ZNF45: variants seen among roughly 807,000 people sequenced by gnomAD.
The protein encoded by ZNF45 is BRC1744.
A neutral mutation model predicts 12.0 loss-of-function variants in ZNF45; 4 were observed. The observed-to-expected ratio is 0.33, with a 90% confidence interval of 0.16 to 0.76. The LOEUF (loss-of-function observed/expected upper bound fraction) is 0.76, where lower values mean the gene tolerates loss of function less well. Among genes scored for constraint, ZNF45 ranks in the 30% least tolerant of loss-of-function variants. The pLI is 0.60. For synonymous variants in ZNF45, 272 were observed against 279.6 expected, an observed-to-expected ratio of 0.97 and a Z score of 0.27; for missense variants, 700 against 813.0, an observed-to-expected ratio of 0.86 and a Z score of 1.69.
chr19:43,933,992 C>A (rs893011846), intron 2 of ZNF45, among the ~76,000 whole-genome samples: 7 of 152,154 alleles, frequency 4.6e-5, no homozygotes, highest in Admixed American at 6.5e-5. Flanking sequence ...CAAATGGCTC[C>A]TCTGCAGCCA....
At chr19:43,917,212 CTT>C (rs1283047135) in intron 9 of ZNF45, among the ~76,000 whole-genome samples, 1 of 152,074 alleles carries the variant, frequency 6.6e-6, no homozygotes, top group Non-Finnish European at 1.5e-5. Context: ...CGCATAAATT[CTT>C]GTTTAAGGCC....
chr19:43,926,404 G>A (rs1337557715), intron 3 of ZNF45: 1 of 152,206 alleles, frequency 6.6e-6, no homozygotes, highest in East Asian at 1.9e-4. Flanking sequence ...CAAAGTCAGC[G>A]ACGACATGAG....
rs1410649014 is a variant in ZNF45 at position 43,913,550 on chromosome 19, G to A, written c.1886C>T (p.Ala629Val). ...KVFSWSSYLQ[A>V]HQRVHTGEKP... is the part of the protein sequence containing the mutation. ...TTCTCCGGTGTGAACTCTTTGATGG[G>A]CTTGAAGGTATGAGCTCCAGCTGAA... The change falls in exon 10 of 10, where the codon GCC (alanine) becomes GTC (valine). Residue 629 changes from alanine to valine, a missense_variant. Transcript: ENST00000269973. 2 of 1,612,966 alleles carry A rather than the reference G, an allele frequency of 1.2e-6. No homozygotes were observed. The highest frequency in any genetic ancestry group is 2.2e-5 in the East Asian group (1 of 44,806).
At chr19:43,922,273 C>G in intron 6 of ZNF45, 56 bp from the exon 7 acceptor site, 1 of 1,281,198 alleles carries the variant, frequency 7.8e-7, no homozygotes, top group Non-Finnish European at 1.1e-6. Flanking sequence ...GAGAGTTTGG[C>G]CAAAAAAAAA....
intron 6 of ZNF45, among the ~76,000 whole-genome samples, chr19:43,923,362 G>C (rs1347757316): frequency 6.6e-6 from 1 of 152,196 alleles, no homozygotes; most frequent in Admixed American, 6.5e-5. Flanking sequence ...GAGAGAGAGA[G>C]AGAGACCATG....
intron 7 of ZNF45, among the ~76,000 whole-genome samples, chr19:43,921,701 A>G (rs1389710795): frequency 6.6e-6 from 1 of 152,240 alleles, no homozygotes; most frequent in African/African-American, 2.4e-5. Context: ...TAAAAATTCT[A>G]AACTACCTAA....
chr19:43,930,948 T>C (rs141822205), intron 3 of ZNF45, among the ~76,000 whole-genome samples: 32 of 151,984 alleles, frequency 2.1e-4, no homozygotes, highest in African/African-American at 7.5e-4. Flanking sequence ...TGAAATCTGT[T>C]GTGCCTTACC....
At chr19:43,915,287 C>G in intron 9 of ZNF45, 87 bp from the exon 10 acceptor site, 2 of 1,330,182 alleles carry the variant, frequency 1.5e-6, no homozygotes, top group Non-Finnish European at 2.0e-6. Flanking sequence ...GGCCCATAGC[C>G]TAAGGCTTCA....
At position 43,933,261 on chromosome 19, in the gene ZNF45, G is replaced by A. The variant is rs779340901; in HGVS notation, c.-486-571C>T. 1.2e-4 allele frequency among the ~76,000 whole-genome samples: 18 copies of A among 152,010 alleles called. No individual in the cohort carries two copies. The South Asian group carries it at 2.5e-3, about 21-fold the overall frequency. On this transcript the variant is annotated intron_variant, in intron 2 of 9. Coordinates refer to ENST00000269973, the MANE Select transcript of ZNF45 (RefSeq NM_003425.4). ...TGAGGTGGGCGGATCACTTGAGGTCGAGTTTGAGACCAGCCTGGCCAACAT... is the reference window on the plus strand; with the variant it reads ...TGAGGTGGGCGGATCACTTGAGGTCAAGTTTGAGACCAGCCTGGCCAACAT...
At chr19:43,933,296 C>T (rs1974279665) in intron 2 of ZNF45, among the ~76,000 whole-genome samples, 1 of 152,052 alleles carries the variant, frequency 6.6e-6, no homozygotes, top group Non-Finnish European at 1.5e-5. Context: ...TGGAGAAACC[C>T]AGTCTTTACT....
intron 6 of ZNF45, among the ~76,000 whole-genome samples, chr19:43,922,629 G>A (rs1187307086): frequency 6.6e-6 from 1 of 152,030 alleles, no homozygotes; most frequent in Non-Finnish European, 1.5e-5. Flanking sequence ...TAATATCTCT[G>A]TGCCTCAGTT....
chr19:43,915,688 G>A (rs776718139), intron 9 of ZNF45, among the ~76,000 whole-genome samples: 1 of 152,188 alleles, frequency 6.6e-6, no homozygotes, highest in Admixed American at 6.5e-5. Flanking sequence ...AACTGCGCGT[G>A]CGAGGGATCT....
chr19:43,914,865 G>C lies in ZNF45; in HGVS notation c.571C>G (p.Pro191Ala). 1 of 1,613,072 alleles carries C rather than the reference G, an allele frequency of 6.2e-7. No individual in the cohort carries two copies. Among genetic ancestry groups the C allele is most frequent in the Non-Finnish European group, 8.5e-7 (1 of 1,179,102 alleles). ...INQRAHAGEK[P>A]YKCEKCDNAF... Reference sequence around the variant, plus strand: ...TTATCACATTTTTCACATTTGTAGGGCTTCTCTCCTGCATGAGCCCTTTGG... The same window carrying C: ...TTATCACATTTTTCACATTTGTAGGCCTTCTCTCCTGCATGAGCCCTTTGG... Residue 191 changes from proline (P) to alanine (A), a missense_variant, in exon 10 of 10, where the codon CCC (proline) becomes GCC (alanine). Physicochemically the swap from Pro to Ala is conservative, Grantham distance 27. Transcript: ENST00000269973.
intron 3 of ZNF45, among the ~76,000 whole-genome samples, chr19:43,930,752 G>C (rs1197115662): frequency 6.6e-6 from 1 of 152,164 alleles, no homozygotes; most frequent in African/African-American, 2.4e-5. Flanking sequence ...TATAATGCAG[G>C]CAAGCTATTC....
intron 3 of ZNF45, among the ~76,000 whole-genome samples, chr19:43,932,090 C>A (rs1440239944): frequency 6.6e-6 from 1 of 152,162 alleles, no homozygotes; most frequent in Non-Finnish European, 1.5e-5. Context: ...AATCCCAGCA[C>A]TTTGAGAGGC....
chr19:43,926,363 A>G (rs1477535087), intron 3 of ZNF45: 2 of 152,226 alleles, frequency 1.3e-5, no homozygotes, highest in African/African-American at 4.8e-5. Context: ...ATTTTGTTAA[A>G]TACCATCTTA....
At chr19:43,916,347 C>T (rs1394042834) in intron 9 of ZNF45, among the ~76,000 whole-genome samples, 1 of 152,014 alleles carries the variant, frequency 6.6e-6, no homozygotes, top group African/African-American at 2.4e-5. Context: ...AGCTCCTGAG[C>T]TCAAGCTATC....
Position 43,914,789 on chromosome 19 carries a change from C to A in ZNF45, c.647G>T (p.Arg216Ile). Reference sequence around the variant, plus strand: ...TGCATCATTTGTGTATGATTTTGCTCTACTGTGGACTCTCTGATGGGCTTG... The same window carrying A: ...TGCATCATTTGTGTATGATTTTGCTATACTGTGGACTCTCTGATGGGCTTG... ...SLQAHQRVHS[R>I]AKSYTNDASY... Residue 216 changes from arginine (R) to isoleucine (I), a missense_variant, in exon 10 of 10, where the codon AGA (arginine) becomes ATA (isoleucine). By Grantham distance (97) the Arg-to-Ile change is moderately conservative. Coordinates refer to ENST00000269973, the MANE Select transcript of ZNF45 (RefSeq NM_003425.4). 2 of 1,614,004 alleles carry A rather than the reference C, an allele frequency of 1.2e-6. No homozygotes were observed. The highest frequency in any genetic ancestry group is 1.7e-6 in the Non-Finnish European group (2 of 1,179,934).
intron 2 of ZNF45, among the ~76,000 whole-genome samples, chr19:43,934,149 A>T (rs961255945): frequency 1.3e-5 from 2 of 152,210 alleles, no homozygotes; most frequent in African/African-American, 4.8e-5. Context: ...GCACTGTGAT[A>T]TAGGAAAGTA....
Sources: allele counts gnomAD v4.1 joint callset (sites outside exome capture counted in the v4.1 genomes callset), GRCh38; gene constraint gnomAD v4.1.1; transcripts MANE v1.5; gene names NCBI Gene and HGNC (gene_info 2026-07-23, HGNC 2026-07-21).